BCKDHB: variants seen among roughly 807,000 people sequenced by gnomAD.
BCKDHB encodes the protein 2-oxoisovalerate dehydrogenase subunit beta, mitochondrial.
Under a neutral mutation model 48.5 loss-of-function variants are expected in BCKDHB, and 41 were observed. That is an observed-to-expected ratio of 0.85 (90% confidence interval 0.66 to 1.10). BCKDHB has a LOEUF of 1.10. Ranked by LOEUF, BCKDHB falls within the 50% of genes least tolerant of loss-of-function variation. The pLI, the probability that BCKDHB is intolerant of heterozygous loss-of-function variation, is 0.00. For missense variants in BCKDHB, 496 were observed against 494.2 expected (o/e 1.00, Z -0.03); for synonymous variants, 201 against 174.8 (o/e 1.15, Z -1.18).
chr6:80,138,896 T>C (rs1237891756), intron 3 of BCKDHB, among the ~76,000 whole-genome samples: 1 of 152,238 alleles, frequency 6.6e-6, no homozygotes, highest in Non-Finnish European at 1.5e-5. Context: ...CCACAATGGT[T>C]GAACTAGTTT....
chr6:80,327,355 G>A (rs983488758), intron 9 of BCKDHB, among the ~76,000 whole-genome samples: 1 of 152,196 alleles, frequency 6.6e-6, no homozygotes, highest in Non-Finnish European at 1.5e-5. Context: ...GGTTGTATGA[G>A]TAAAGTACGG....
chr6:80,302,999 AG>A (rs1174982063), intron 9 of BCKDHB, among the ~76,000 whole-genome samples: 2 of 152,108 alleles, frequency 1.3e-5, no homozygotes, highest in African/African-American at 4.8e-5. Flanking sequence ...TTAAAAAAAG[AG>A]CAGAATTTCC....
intron 6 of BCKDHB, among the ~76,000 whole-genome samples, chr6:80,193,352 C>T (rs947307725): frequency 6.6e-6 from 1 of 151,936 alleles, no homozygotes; most frequent in African/African-American, 2.4e-5. Context: ...AAAACATTAT[C>T]CTCTGAAACA....
intron 8 of BCKDHB, among the ~76,000 whole-genome samples, chr6:80,205,364 G>A (rs960853752): frequency 2.0e-5 from 3 of 151,684 alleles, no homozygotes; most frequent in East Asian, 1.9e-4. Context: ...TCATTAGATC[G>A]CTGAGTTTTA....
At chr6:80,380,703 C>T in the BCKDHB span, among the ~76,000 whole-genome samples, 1 of 151,792 alleles carries the variant, frequency 6.6e-6, no homozygotes. Flanking sequence ...GGACTTATAT[C>T]CAGAATCTAC....
In BCKDHB at chr6:80,200,971, G is replaced by C; in HGVS notation, c.780G>C (p.Leu260=). Residue 260 remains leucine, a synonymous_variant, in exon 7 of 10, where the codon CTG becomes CTC. Transcript: ENST00000320393. ...EVPIEPYNIP[L]SQAEVIQEGS... is the part of the protein sequence containing the mutation. ...CTATAGAACCATACAACATCCCACT[G>C]TCCCAGGCCGAAGTCATACAGGAAG... 1.2e-6 allele frequency: 2 copies of C among 1,611,014 alleles called. No individual in the cohort carries two copies. Among genetic ancestry groups the C allele is most frequent in the Non-Finnish European group, 1.7e-6 (2 of 1,178,912 alleles).
At chr6:80,367,403 G>A in the BCKDHB span, among the ~76,000 whole-genome samples, 1 of 151,896 alleles carries the variant, frequency 6.6e-6, no homozygotes, top group Non-Finnish European at 1.5e-5. Context: ...TATTTTTATA[G>A]CTCATACATA....
At chr6:80,152,051 T>C (rs1582241866) in intron 3 of BCKDHB, among the ~76,000 whole-genome samples, 1 of 152,226 alleles carries the variant, frequency 6.6e-6, no homozygotes, top group Non-Finnish European at 1.5e-5. Context: ...TTGAAGCTGG[T>C]ATCACAAGGA....
intron 8 of BCKDHB, among the ~76,000 whole-genome samples, chr6:80,219,566 A>T (rs1582382709): frequency 2.6e-5 from 4 of 152,230 alleles, no homozygotes; most frequent in Middle Eastern, 3.4e-3. Flanking sequence ...TACCTGCTGC[A>T]CAACAATCAC....
the BCKDHB span, among the ~76,000 whole-genome samples, chr6:80,460,557 C>A: frequency 6.6e-6 from 1 of 152,114 alleles, no homozygotes; most frequent in Non-Finnish European, 1.5e-5. Context: ...AGCCCAAGCC[C>A]TTTTTGTTCA....
chr6:80,432,477 A>G, the BCKDHB span, among the ~76,000 whole-genome samples: 16 of 151,840 alleles, frequency 1.1e-4, no homozygotes, highest in Non-Finnish European at 2.4e-4. Context: ...CGATTTGGCT[A>G]CTGATACTTG....
intron 3 of BCKDHB, among the ~76,000 whole-genome samples, chr6:80,155,840 T>G (rs1344003625): frequency 1.0e-5 from 1 of 98,898 alleles, no homozygotes; most frequent in South Asian, 2.9e-4. Context: ...TGCAAAGTTG[T>G]TTTTTTTTTT....
chr6:80,282,311 A>G (rs1218488286), intron 9 of BCKDHB, among the ~76,000 whole-genome samples: 9 of 152,194 alleles, frequency 5.9e-5, no homozygotes, highest in Non-Finnish European at 1.2e-4. Context: ...ATGATGTAGA[A>G]TGTGAATGTA....
chr6:80,183,200 A>G (rs1773494228), intron 6 of BCKDHB, among the ~76,000 whole-genome samples: 1 of 152,146 alleles, frequency 6.6e-6, no homozygotes, highest in Admixed American at 6.5e-5. Flanking sequence ...TGAGTAATGC[A>G]TGATTGACGA....
At chr6:80,423,493 T>G in the BCKDHB span, among the ~76,000 whole-genome samples, 1 of 152,200 alleles carries the variant, frequency 6.6e-6, no homozygotes, top group Admixed American at 6.5e-5. Context: ...TGCTTTCTTC[T>G]TAGTCTTCCC....
intron 3 of BCKDHB, among the ~76,000 whole-genome samples, chr6:80,141,253 A>G (rs909848141): frequency 6.6e-6 from 1 of 152,110 alleles, no homozygotes; most frequent in Non-Finnish European, 1.5e-5. Context: ...TCAAAAAACC[A>G]GCTCCTGGAT....
chr6:80,446,720 AT>A, the BCKDHB span, among the ~76,000 whole-genome samples: 5,390 of 111,310 alleles, frequency 0.048, 171 homozygotes, highest in African/African-American at 0.15. Flanking sequence ...CTTCTGGACA[AT>A]TTTTTTTTTT....
the BCKDHB span, among the ~76,000 whole-genome samples, chr6:80,409,898 T>C: frequency 4.9e-4 from 74 of 152,154 alleles, no homozygotes; most frequent in South Asian, 9.4e-3. Context: ...CTGTATCTTT[T>C]AATTGGGACA....
At chr6:80,395,014 G>T in the BCKDHB span, among the ~76,000 whole-genome samples, 793 of 152,268 alleles carry the variant, frequency 5.2e-3, 4 homozygotes, top group African/African-American at 0.018. Flanking sequence ...TGCCATGATT[G>T]TAAGTTTTCT....
Sources: allele counts gnomAD v4.1 joint callset (sites outside exome capture counted in the v4.1 genomes callset), GRCh38; gene constraint gnomAD v4.1.1; transcripts MANE v1.5; gene names NCBI Gene and HGNC (gene_info 2026-07-23, HGNC 2026-07-21).